Variants in SLBP observed in about 807,000 individuals in gnomAD.
The protein encoded by SLBP is histone RNA hairpin-binding protein.
A neutral mutation model predicts 39.2 loss-of-function variants in SLBP; 29 were observed. That is an observed-to-expected ratio of 0.74 (90% CI 0.55 to 1.01). The LOEUF is 1.01. SLBP is among the 50% of genes least tolerant of loss of function. SLBP has a pLI of 0.00. For missense variants in SLBP, 390 were observed against 350.2 expected (o/e 1.11, Z -0.91); for synonymous variants, 129 against 118.7 (o/e 1.09, Z -0.57).
chr4:1,697,799 G>A lies in SLBP; in HGVS notation c.480-1448C>T, dbSNP rs574824124. Among the ~76,000 whole-genome samples, 401 of 152,104 alleles carry A rather than the reference G, an allele frequency of 2.6e-3. 2 individuals carry two copies. Among genetic ancestry groups the A allele is most frequent in the African/African-American group, 8.8e-3 (366 of 41,508 alleles). ...GCGGAGGTTGCGGTGAGCCAAGATT[G>A]CACCATTGTACTCCAGCCTGGACTA... is the stretch of plus-strand genomic sequence containing the variant. On this transcript the variant is annotated intron_variant, in intron 5 of 7. Transcript: ENST00000489418.
At chr4:1,705,454 G>A (rs1716481546) in intron 2 of SLBP, among the ~76,000 whole-genome samples, 1 of 152,216 alleles carries the variant, frequency 6.6e-6, no homozygotes, top group Non-Finnish European at 1.5e-5. Flanking sequence ...GATCATGGAT[G>A]TAGCACACAC....
chr4:1,694,906 C>T, intron 6 of SLBP, 66 bp from the exon 7 acceptor site: 2 of 1,061,906 alleles, frequency 1.9e-6, no homozygotes, highest in Non-Finnish European at 3.0e-6. Flanking sequence ...CGGGGCGCTA[C>T]AGACAAACCC....
At position 1,702,503 on chromosome 4, in the gene SLBP, T is replaced by C. The variant is rs113688044; in HGVS notation, c.281+1093A>G. On this transcript the variant is annotated intron_variant, in intron 3 of 7. Coordinates refer to ENST00000489418, the MANE Select transcript of SLBP (RefSeq NM_006527.4). ...GCTGACACGCAAGACACATTTTTCT[T>C]GAGACCCTGTTTATCAGCCACTTGT... Among the ~76,000 whole-genome samples, 741 of 152,340 alleles carry C rather than the reference T, an allele frequency of 4.9e-3. 11 individuals are homozygous for C. The highest frequency in any genetic ancestry group is 0.017 in the African/African-American group (699 of 41,592).
chr4:1,698,970 T>G (rs1420806824), intron 5 of SLBP, among the ~76,000 whole-genome samples: 1 of 151,876 alleles, frequency 6.6e-6, no homozygotes, highest in Admixed American at 6.6e-5. Flanking sequence ...TTAAATTTTT[T>G]GTAGAGATGA....
intron 3 of SLBP, among the ~76,000 whole-genome samples, chr4:1,701,930 A>C (rs1716344452): frequency 6.6e-6 from 1 of 152,176 alleles, no homozygotes; most frequent in South Asian, 2.1e-4. Flanking sequence ...AGTAAATAAA[A>C]GCCGTAGCTT....
chr4:1,709,675 G>A (rs559617698), intron 2 of SLBP, among the ~76,000 whole-genome samples: 6 of 150,918 alleles, frequency 4.0e-5, no homozygotes, highest in South Asian at 2.1e-4. Flanking sequence ...GTAGTGGGGC[G>A]ATCTCGGCTC....
chr4:1,694,028 A>T (rs1716014769), intron 7 of SLBP, among the ~76,000 whole-genome samples: 1 of 152,216 alleles, frequency 6.6e-6, no homozygotes, highest in South Asian at 2.1e-4. Context: ...AGACAAAACC[A>T]CAAATAGTGG....
At chr4:1,704,109 T>C (rs944605269) in intron 2 of SLBP, among the ~76,000 whole-genome samples, 9 of 152,272 alleles carry the variant, frequency 5.9e-5, no homozygotes, top group African/African-American at 2.2e-4. Flanking sequence ...TAAAACCAAC[T>C]AGATTTTAGA....
rs1409814794 is a variant in SLBP, at chr4:1,692,974, G to A, written c.*623C>T. On this transcript the variant is annotated 3_prime_UTR_variant, in exon 8 of 8. Transcript: ENST00000489418. ...TGTTTTAAAATGTTCTTTCTAAATC[G>A]CTCCACTCTGCTGCCCTAACTCTTG... 1 of 152,528 alleles carries A rather than the reference G, an allele frequency of 6.6e-6. No individual in the cohort carries two copies. Among genetic ancestry groups the A allele is most frequent in the South Asian group, 2.1e-4 (1 of 4,828 alleles). 9.4% of individuals were successfully genotyped at this position (152,528 alleles called of 1,614,324 possible). A position where few individuals can be genotyped will look rare whatever the true frequency, so the allele number is the denominator to read the frequency against.
rs144464948 is a variant in SLBP, at chr4:1,695,659, T to C, written c.629+543A>G. On this transcript the variant is annotated intron_variant, in intron 6 of 7. Transcript: ENST00000489418. Reference sequence around the variant, plus strand: ...AGCTGGGCGTGGTGGCGCGTGCCTGTAATCCCAGCTACTCAGGAGGCTGAG... The same window carrying C: ...AGCTGGGCGTGGTGGCGCGTGCCTGCAATCCCAGCTACTCAGGAGGCTGAG... Among the ~76,000 whole-genome samples, 254 of 152,050 alleles carry C rather than the reference T, an allele frequency of 1.7e-3. 5 individuals are homozygous for C. The East Asian group carries it at 0.044, about 26-fold the overall frequency.
rs531869655 is a variant in SLBP, at chr4:1,712,312, C to G, written c.-124G>C. ...ACCCGCGTCCCCGCGCCGGCGCTCA[C>G]GAGCTCTGCGCGCCCCGCCCCCAAC... On this transcript the variant is annotated 5_prime_UTR_variant, in exon 1 of 8. Coordinates refer to ENST00000489418, the MANE Select transcript of SLBP (RefSeq NM_006527.4). 234 of 534,302 alleles carry G rather than the reference C, an allele frequency of 4.4e-4. 8 individuals are homozygous for G. In the South Asian group the frequency reaches 7.4e-3, roughly 17 times the overall value. The allele number at this position is 534,302 out of a possible 1,614,324, so 33.1% of individuals were successfully genotyped here.
Position 1,700,051 on chromosome 4 carries a change from T to A in SLBP, c.301A>T (p.Ile101Phe). The change falls in exon 4 of 8, where the codon ATC becomes TTC. Residue 101 changes from isoleucine to phenylalanine, a missense_variant. Ile to Phe is a conservative substitution (Grantham distance 21, BLOSUM62 0). Transcript: ENST00000489418. ...TTTCTCTCTCTTCCAAAGTCATTGA[T>A]GAGGAGTTTCCTTTTATATCTGAGG... Reference protein sequence around the residue: ...EMARYKRKLLINDFGRERKSS... With the variant: ...EMARYKRKLLFNDFGRERKSS... 3.1e-6 allele frequency: 5 copies of A among 1,600,990 alleles called. No individual in the cohort carries two copies. Among genetic ancestry groups the A allele is most frequent in the Non-Finnish European group, 4.3e-6 (5 of 1,170,784 alleles).
At chr4:1,695,633 T>C (rs554647647) in intron 6 of SLBP, among the ~76,000 whole-genome samples, 3 of 151,976 alleles carry the variant, frequency 2.0e-5, no homozygotes, top group African/African-American at 7.2e-5. Flanking sequence ...ATACAAAAAA[T>C]AGCTGGGCGT....
intron 5 of SLBP, among the ~76,000 whole-genome samples, chr4:1,696,645 C>T (rs1015379594): frequency 1.3e-5 from 2 of 152,078 alleles, no homozygotes; most frequent in Non-Finnish European, 2.9e-5. Flanking sequence ...CACCTATAAT[C>T]CTAGCATTTT....
At chr4:1,702,104 C>T (rs536267595) in intron 3 of SLBP, among the ~76,000 whole-genome samples, 4 of 152,300 alleles carry the variant, frequency 2.6e-5, no homozygotes, top group African/African-American at 9.6e-5. Flanking sequence ...CTGCAGATAA[C>T]CCCTGGCAAG....
Position 1,699,729 on chromosome 4 carries a change from A to G in SLBP, c.342-28T>C, listed in dbSNP as rs367953098. Reference sequence around the variant, plus strand: ...GAAAAAACAACAGATTAACAGAATAAGCCCTGCAATTAAGATCACCATGTA... The same window carrying G: ...GAAAAAACAACAGATTAACAGAATAGGCCCTGCAATTAAGATCACCATGTA... On this transcript the variant is annotated intron_variant, in intron 4 of 7. Transcript: ENST00000489418. The G allele has an allele frequency of 6.8e-6, 11 of 1,607,766 alleles. No individual in the cohort carries two copies. In the African/African-American group the frequency reaches 1.5e-4, roughly 22 times the overall value.
chr4:1,699,724 G>A (rs979446665), intron 4 of SLBP, 23 bp from the exon 5 acceptor site: 9 of 1,609,206 alleles, frequency 5.6e-6, no homozygotes, highest in Admixed American at 1.7e-5. Context: ...CAGATTAACA[G>A]AATAAGCCCT....
intron 3 of SLBP, among the ~76,000 whole-genome samples, chr4:1,702,648 T>C (rs1270449022): frequency 1.3e-5 from 2 of 152,194 alleles, no homozygotes; most frequent in African/African-American, 4.8e-5. Context: ...AGAGAAAGGA[T>C]CAACACACTG....
intron 5 of SLBP, among the ~76,000 whole-genome samples, chr4:1,698,051 C>G (rs1716183244): frequency 6.6e-6 from 1 of 151,488 alleles, no homozygotes; most frequent in South Asian, 2.1e-4. Context: ...TGCTTGAGGC[C>G]AGGAGTTAAG....
Sources: gnomAD v4.1 joint callset for allele counts (sites outside exome capture counted in the v4.1 genomes callset) on GRCh38, gnomAD v4.1.1 for gene constraint, MANE v1.5 for transcripts, NCBI Gene and HGNC (gene_info 2026-07-23, HGNC 2026-07-21) for gene names.